Variants in KDM2B observed in about 807,000 individuals in gnomAD.
KDM2B encodes the protein lysine-specific demethylase 2B.
Under a neutral mutation model 150.0 loss-of-function variants are expected in KDM2B, and 26 were observed. The ratio of observed to expected loss-of-function variants is 0.17; its 90% CI spans 0.13 to 0.24. The LOEUF is 0.24. Among genes scored for constraint, KDM2B ranks in the 10% least tolerant of loss-of-function variants. The pLI is 1.00. For missense variants in KDM2B, 1,265 were observed against 1,816.9 expected, an observed-to-expected ratio of 0.70 and a Z score of 5.52; for synonymous variants, 734 against 729.5, an observed-to-expected ratio of 1.01 and a Z score of -0.10.
At position 121,574,597 on chromosome 12, in the gene KDM2B, G is replaced by C. The variant is rs782156562; in HGVS notation, c.351-4C>G. 7.4e-5 allele frequency: 120 copies of C among 1,613,808 alleles called. 1 individual carries two copies. The East Asian group carries it at 2.7e-3, about 36-fold the overall frequency. On this transcript the variant is annotated splice_region_variant and splice_polypyrimidine_tract_variant and intron_variant, in intron 3 of 22. Transcript: ENST00000377071. ...TGTGAAATCAGGGTCAGGCATCCTG[G>C]GGAAAGAGGAGCACAGACCTTTGGT...
intron 6 of KDM2B, among the ~76,000 whole-genome samples, chr12:121,538,354 C>T (rs1888335050): frequency 6.6e-6 from 1 of 151,904 alleles, no homozygotes; most frequent in Admixed American, 6.6e-5. Flanking sequence ...AGAAAGGACC[C>T]GAGCTAGGGG....
Position 121,467,413 on chromosome 12 carries a change from G to A in KDM2B, c.1735-14069C>T, listed in dbSNP as rs1250704365. 4 of 911,408 alleles carry A rather than the reference G, an allele frequency of 4.4e-6. No homozygotes were observed. Among genetic ancestry groups the A allele is most frequent in the African/African-American group, 1.8e-5 (1 of 55,264 alleles). The allele number at this position is 911,408 out of a possible 1,614,324, so 56.5% of individuals were successfully genotyped here. On this transcript the variant is annotated intron_variant, in intron 12 of 22. Transcript: ENST00000377071. The surrounding 1 kb of genome is among the most constrained non-coding windows in gnomAD (Gnocchi z 5.1). The stretch of plus-strand genomic sequence containing the variant: ...GGGGAGGGGCCGGCGGGGGAGGGCC[G>A]GGGCGCCATGCATATGCATGAGGCG...
intron 12 of KDM2B, among the ~76,000 whole-genome samples, chr12:121,455,552 A>T (rs1053962450): frequency 6.6e-6 from 1 of 152,090 alleles, no homozygotes; most frequent in Non-Finnish European, 1.5e-5. Flanking sequence ...AAAAATTTTT[A>T]AAATTAGCCA....
intron 11 of KDM2B, among the ~76,000 whole-genome samples, chr12:121,499,758 T>A (rs1555301591): frequency 1.3e-5 from 2 of 151,520 alleles, no homozygotes; most frequent in African/African-American, 2.4e-5. Context: ...GACAAGCCTG[T>A]CCAACATAGT....
chr12:121,571,412 C>G (rs564000514), intron 4 of KDM2B, among the ~76,000 whole-genome samples: 1 of 151,912 alleles, frequency 6.6e-6, no homozygotes, highest in East Asian at 1.9e-4. Flanking sequence ...CCTCAGCCTC[C>G]CGAGTAGCTG....
chr12:121,453,270 C>G lies in KDM2B; in HGVS notation c.1809G>C (p.Thr603=), dbSNP rs781940984. 9 of 1,608,004 alleles carry G rather than the reference C, an allele frequency of 5.6e-6. 1 individual carries two copies. The South Asian group carries it at 8.9e-5, about 16-fold the overall frequency. ...GCGTCCGGCGCCGCCGAGCTCCTGC[C>G]GTTGTCCGGTTGGCGGCCAACTTCA... The part of the protein sequence containing the change: ...SAVKLAANRT[T]AGARRRRTRC... Residue 603 remains threonine, a synonymous_variant, in exon 13 of 23, where the codon ACG becomes ACC. Transcript: ENST00000377071. This position sits in a 1 kb window ranked among gnomAD's most constrained non-coding sequence, Gnocchi z 6.4.
intron 4 of KDM2B, among the ~76,000 whole-genome samples, chr12:121,565,213 GTGGCAC>G (rs1380614970): frequency 6.6e-6 from 1 of 151,950 alleles, no homozygotes; most frequent in Non-Finnish European, 1.5e-5. Context: ...TTAAGACAGT[GTGGCAC>G]TGGCTTCATA....
intron 12 of KDM2B, among the ~76,000 whole-genome samples, chr12:121,454,947 A>G (rs1363639450): frequency 3.9e-5 from 6 of 152,056 alleles, no homozygotes; most frequent in African/African-American, 1.4e-4. Flanking sequence ...GAAACTTCCA[A>G]CTGCATAGGA....
chr12:121,441,789 C>A (rs11065577), intron 19 of KDM2B, among the ~76,000 whole-genome samples: 1 of 151,994 alleles, frequency 6.6e-6, no homozygotes, highest in African/African-American at 2.4e-5. Context: ...AAACAACCCC[C>A]ATGAAGCTGG....
At position 121,430,519 on chromosome 12, in the gene KDM2B, C is replaced by T. The variant is rs374484423; in HGVS notation, c.3830-50G>A. On this transcript the variant is annotated intron_variant, in intron 22 of 22. Coordinates refer to ENST00000377071, the MANE Select transcript of KDM2B (RefSeq NM_032590.5). This position sits in a 1 kb window ranked among gnomAD's most constrained non-coding sequence, Gnocchi z 4.4. ...AGGTGTGAAGGCCAGGAGCCAGAAG[C>T]CCCCCCGCCGCCAGACCCAGGCACT... The T allele has an allele frequency of 4.9e-6, 7 of 1,433,722 alleles. No individual in the cohort carries two copies. The highest frequency in any genetic ancestry group is 6.9e-6 in the Non-Finnish European group (7 of 1,018,464). The allele number at this position is 1,433,722 out of a possible 1,614,324, so 88.8% of individuals were successfully genotyped here.
downstream of KDM2B, among the ~76,000 whole-genome samples, chr12:121,425,262 C>A (rs555016187): frequency 5.5e-5 from 8 of 146,760 alleles, no homozygotes; most frequent in Non-Finnish European, 1.2e-4. Context: ...GAGCCAAGAT[C>A]GTGCCATTGC....
At chr12:121,508,175 C>A (rs1296605442) in intron 11 of KDM2B, among the ~76,000 whole-genome samples, 1 of 152,008 alleles carries the variant, frequency 6.6e-6, no homozygotes, top group Admixed American at 6.6e-5. Flanking sequence ...TAGCAGTGAC[C>A]TTCTGGGGTC....
chr12:121,502,978 G>A lies in KDM2B; in HGVS notation c.1647+6589C>T, dbSNP rs559707731. 1.3e-4 allele frequency among the ~76,000 whole-genome samples: 17 copies of A among 135,032 alleles called. No individual in the cohort carries two copies. In the South Asian group the frequency reaches 3.5e-3, roughly 28 times the overall value. The allele number at this position is 135,032 out of a possible 152,430, so 88.6% of individuals were successfully genotyped here. A position where few individuals can be genotyped will look rare whatever the true frequency, so the allele number is the denominator to read the frequency against. ...AAAAAAGGAAATCAGGTTTTTTTGT[G>A]GGTTTTTTTTTTTTTTTGAGCAGAG... is the stretch of plus-strand genomic sequence containing the variant. On this transcript the variant is annotated intron_variant, in intron 11 of 22. Transcript: ENST00000377071.
chr12:121,465,767 G>A (rs1879808484), intron 12 of KDM2B, among the ~76,000 whole-genome samples: 4 of 152,156 alleles, frequency 2.6e-5, no homozygotes, highest in Non-Finnish European at 5.9e-5. Flanking sequence ...GACATCCTAC[G>A]AATGAATGAC....
At chr12:121,441,309 T>C (rs1484921004) in intron 19 of KDM2B, 76 bp from the exon 20 acceptor site, 13 of 1,391,930 alleles carry the variant, frequency 9.3e-6, no homozygotes, top group African/African-American at 2.9e-5. Context: ...CTCTTAACTG[T>C]CCCCACCTAA....
At chr12:121,446,276 T>C (rs955742370) in intron 13 of KDM2B, among the ~76,000 whole-genome samples, 44 of 152,134 alleles carry the variant, frequency 2.9e-4, no homozygotes, top group Non-Finnish European at 7.3e-5. Flanking sequence ...CGGGCGCCTG[T>C]AGTCCCAGCT....
Position 121,468,433 on chromosome 12 carries a change from T to C in KDM2B, c.1735-15089A>G, listed in dbSNP as rs535448949. On this transcript the variant is annotated intron_variant, in intron 12 of 22. Coordinates refer to ENST00000377071, the MANE Select transcript of KDM2B (RefSeq NM_032590.5). The surrounding 1 kb of genome is among the most constrained non-coding windows in gnomAD (Gnocchi z 4.0). ...ATCAAAACCAAAGCTAAACACAAGC[T>C]AAGGAGGACTTGGCATACATATCAT... The C allele has an allele frequency of 5.3e-5, 8 of 152,350 alleles. No homozygotes were observed. Among genetic ancestry groups the C allele is most frequent in the Admixed American group, 1.3e-4 (2 of 15,298 alleles). 9.4% of individuals were successfully genotyped at this position (152,350 alleles called of 1,614,324 possible). A position where few individuals can be genotyped will look rare whatever the true frequency, so the allele number is the denominator to read the frequency against.
chr12:121,572,158 G>A (rs1198282495), intron 4 of KDM2B, among the ~76,000 whole-genome samples: 1 of 152,056 alleles, frequency 6.6e-6, no homozygotes, highest in Non-Finnish European at 1.5e-5. Context: ...TAATCACGCC[G>A]CTGCACTCTA....
chr12:121,440,049 G>A lies in KDM2B; in HGVS notation c.3637C>T (p.Arg1213Trp), dbSNP rs782230294. ...GCCAGGCGCAGCTCCACGATGTTCC[G>A]GAGCTTGCTCCGATTGTCCATCTGA... ...PGQMDNRSKLRNIVELRLAGL... is the reference protein window; with the variant it reads ...PGQMDNRSKLWNIVELRLAGL... Residue 1213 changes from arginine (R) to tryptophan (W), a missense_variant, in exon 22 of 23, where the codon CGG (arginine) becomes TGG (tryptophan). Physicochemically the swap from Arg to Trp is moderately radical, Grantham distance 101 (BLOSUM62 -3). This residue lies in a region of KDM2B where 251 missense variants were observed against 397.8 expected (regional missense o/e 0.63). Coordinates refer to ENST00000377071, the MANE Select transcript of KDM2B (RefSeq NM_032590.5). 15 of 1,610,132 alleles carry A rather than the reference G, an allele frequency of 9.3e-6. No homozygotes were observed. The highest frequency in any genetic ancestry group is 4.0e-5 in the African/African-American group (3 of 74,868).
Sources: gnomAD v4.1 joint callset for allele counts (sites outside exome capture counted in the v4.1 genomes callset) on GRCh38, gnomAD v4.1.1 for gene constraint, gnomAD v4.1.1 regional missense constraint, Gnocchi (gnomAD v3.1) non-coding constraint, MANE v1.5 for transcripts, NCBI Gene and HGNC (gene_info 2026-07-23, HGNC 2026-07-21) for gene names.